The following FARP1 variants were observed in gnomAD, a reference collection of about 807,000 sequenced individuals.
FARP1 encodes the protein FERM, ARHGEF and pleckstrin domain-containing protein 1.
FARP1 carries 52 observed loss-of-function variants against 128.8 expected under a neutral mutation model. The observed-to-expected ratio is 0.40, with a 90% CI of 0.32 to 0.51. FARP1 has a LOEUF of 0.51. FARP1 is among the 20% of genes least tolerant of loss of function. The probability of loss-of-function intolerance (pLI) is 0.45; values close to 1 mark genes in which losing one functional copy is unlikely to be tolerated. For missense variants in FARP1, 1,333 were observed against 1,367.9 expected (o/e 0.97, Z 0.40); for synonymous variants, 580 against 551.8 (o/e 1.05, Z -0.72).
At chr13:98,216,054 G>A (rs1347265239) in intron 2 of FARP1, among the ~76,000 whole-genome samples, 1 of 152,158 alleles carries the variant, frequency 6.6e-6, no homozygotes, top group Admixed American at 6.5e-5. Flanking sequence ...CTCCCAAAGT[G>A]CTGGGATTAC....
intron 2 of FARP1, among the ~76,000 whole-genome samples, chr13:98,220,680 G>A (rs1327273615): frequency 6.6e-6 from 1 of 152,016 alleles, no homozygotes; most frequent in Non-Finnish European, 1.5e-5. Flanking sequence ...AATCATTTTA[G>A]CTAAATACTG....
intron 5 of FARP1, 70 bp from the exon 6 acceptor site, chr13:98,377,751 A>G (rs1229738025): frequency 7.1e-6 from 8 of 1,122,236 alleles, no homozygotes; most frequent in Non-Finnish European, 1.1e-5. Context: ...TTGGCCTCTC[A>G]TGGTGAGGCC....
intron 6 of FARP1, among the ~76,000 whole-genome samples, chr13:98,383,082 G>T (rs558051053): frequency 3.9e-5 from 6 of 152,254 alleles, no homozygotes; most frequent in African/African-American, 1.4e-4. Flanking sequence ...ACCTCACCCC[G>T]TATTTCCCCT....
At chr13:98,210,097 A>C (rs1043810853) in intron 1 of FARP1, among the ~76,000 whole-genome samples, 4 of 152,040 alleles carry the variant, frequency 2.6e-5, no homozygotes, top group African/African-American at 9.7e-5. Flanking sequence ...TTCTTGGGAA[A>C]GGGGGAATAG....
chr13:98,368,283 T>A, intron 5 of FARP1, 88 bp downstream of exon 5: 5 of 938,144 alleles, frequency 5.3e-6, no homozygotes, highest in Non-Finnish European at 8.6e-6. Context: ...CACAAACATT[T>A]TCATAATGTT....
rs780123613 is a variant in FARP1, at chr13:98,411,938, C to T, written c.1730C>T (p.Pro577Leu). The T allele has an allele frequency of 9.9e-6, 16 of 1,613,870 alleles. No individual in the cohort carries two copies. The highest frequency in any genetic ancestry group is 1.7e-5 in the Admixed American group (1 of 60,006). The change falls in exon 16 of 27, where the codon CCG becomes CTG. Residue 577 changes from proline (P) to leucine (L), a missense_variant. Coordinates refer to ENST00000319562, the MANE Select transcript of FARP1 (RefSeq NM_005766.4). ...QSTVSKEDAM[P>L]EALKSLIFPN... Reference sequence around the variant, plus strand: ...ACAGTGAGCAAAGAGGACGCCATGCCGGAAGCACTGAAAAGTCTCATATTC... The same window carrying T: ...ACAGTGAGCAAAGAGGACGCCATGCTGGAAGCACTGAAAAGTCTCATATTC...
In FARP1 at chr13:98,446,272, G is replaced by A. The variant is rs545649462; in HGVS notation, c.2904+67G>A. 119 of 1,008,830 alleles carry A rather than the reference G, an allele frequency of 1.2e-4. No homozygotes were observed. The East Asian group carries it at 2.4e-3, about 20-fold the overall frequency. The allele number at this position is 1,008,830 out of a possible 1,614,324, so 62.5% of individuals were successfully genotyped here. A position where few individuals can be genotyped will look rare whatever the true frequency, so the allele number is the denominator to read the frequency against. ...GGTGGCAGCATGAGGTGAGGGGGCC[G>A]CCCTCCTCTGGAATGACTCAGGCCT... On this transcript the variant is annotated intron_variant, in intron 25 of 26. Coordinates refer to ENST00000319562, the MANE Select transcript of FARP1 (RefSeq NM_005766.4).
chr13:98,155,924 G>A (rs936806877), intron 1 of FARP1, among the ~76,000 whole-genome samples: 1 of 152,146 alleles, frequency 6.6e-6, no homozygotes, highest in Non-Finnish European at 1.5e-5. Flanking sequence ...ACACAAAAGT[G>A]TGGCTGCCAG....
intron 2 of FARP1, among the ~76,000 whole-genome samples, chr13:98,314,098 G>A (rs1004179681): frequency 6.6e-6 from 1 of 152,000 alleles, no homozygotes; most frequent in African/African-American, 2.4e-5. Flanking sequence ...GATGGGTACA[G>A]GTGCAGGCAG....
At chr13:98,273,638 C>T (rs1396435319) in intron 2 of FARP1, among the ~76,000 whole-genome samples, 2 of 152,230 alleles carry the variant, frequency 1.3e-5, no homozygotes, top group East Asian at 3.8e-4. Flanking sequence ...ACGGAAGCAT[C>T]TGGCACAGTG....
intron 8 of FARP1, among the ~76,000 whole-genome samples, chr13:98,387,058 TG>T (rs1466475778): frequency 1.3e-5 from 2 of 152,102 alleles, no homozygotes; most frequent in East Asian, 3.8e-4. Context: ...CCCAACACTT[TG>T]GGAGGCTGAG....
At chr13:98,403,584 G>C (rs1410824924) in intron 13 of FARP1, 4 of 152,238 alleles carry the variant, frequency 2.6e-5, no homozygotes, top group Non-Finnish European at 5.9e-5. Flanking sequence ...ACCTGACTTG[G>C]TCCCAGTTGG....
At position 98,451,337 on chromosome 13, in the gene FARP1, AAC is replaced by A. The variant is rs1312965252; in HGVS notation, c.*3024_*3025del. 1.3e-5 allele frequency: 2 copies of A among 152,208 alleles called. No individual in the cohort carries two copies. The highest frequency in any genetic ancestry group is 2.4e-5 in the African/African-American group (1 of 41,446). 9.4% of individuals were successfully genotyped at this position (152,208 alleles called of 1,614,324 possible). On this transcript the variant is annotated 3_prime_UTR_variant, in exon 27 of 27. Coordinates refer to ENST00000319562, the MANE Select transcript of FARP1 (RefSeq NM_005766.4). ...TTCCCCACACAGAATACTCCCTGGAAACACAAAATGAAATCTTCTCCAATTTT... is the reference window on the plus strand; with the variant it reads ...TTCCCCACACAGAATACTCCCTGGAAACAAAATGAAATCTTCTCCAATTTT...
In FARP1 at chr13:98,323,876, A is replaced by G. The variant is rs539082525; in HGVS notation, c.172-19886A>G. ...TAATTTTGTCTTCCTGTTGAGTGTC[A>G]ACAATTTTTTTAAAGCCTATATGAG... On this transcript the variant is annotated intron_variant, in intron 2 of 26. Transcript: ENST00000319562. 3.8e-4 allele frequency among the ~76,000 whole-genome samples: 58 copies of G among 152,278 alleles called. No individual in the cohort carries two copies. In the South Asian group the frequency reaches 5.6e-3, roughly 15 times the overall value.
Position 98,422,254 on chromosome 13 carries a change from G to A in FARP1, c.1827-2318G>A, listed in dbSNP as rs533976146. ...GCCACGCAGTGGGGCCGACCAGCCCGGAGAGCCCGAATATAGGAGGAGGGG... is the reference window on the plus strand; with the variant it reads ...GCCACGCAGTGGGGCCGACCAGCCCAGAGAGCCCGAATATAGGAGGAGGGG... On this transcript the variant is annotated intron_variant, in intron 16 of 26. Coordinates refer to ENST00000319562, the MANE Select transcript of FARP1 (RefSeq NM_005766.4). 1.6e-4 allele frequency among the ~76,000 whole-genome samples: 25 copies of A among 152,254 alleles called. 1 individual carries two copies. The highest frequency in any genetic ancestry group is 5.5e-4 in the African/African-American group (23 of 41,560).
chr13:98,240,823 G>T (rs949159718), intron 2 of FARP1, among the ~76,000 whole-genome samples: 1 of 152,228 alleles, frequency 6.6e-6, no homozygotes, highest in Non-Finnish European at 1.5e-5. Flanking sequence ...GAAGGCCTCA[G>T]GGAAGGGCTT....
chr13:98,325,948 T>C (rs746394737), intron 2 of FARP1, among the ~76,000 whole-genome samples: 2 of 152,248 alleles, frequency 1.3e-5, no homozygotes, highest in Non-Finnish European at 2.9e-5. Flanking sequence ...TAGCTTCTCT[T>C]CATAGGTCTC....
At position 98,154,339 on chromosome 13, in the gene FARP1, C is replaced by A. The variant is rs1409682304; in HGVS notation, c.-24+10847C>A. ...TTGGTATCGTATTTTTTATTTTAGCCATTTTAACAGGTGTGTAGTGGTATC... is the reference window on the plus strand; with the variant it reads ...TTGGTATCGTATTTTTTATTTTAGCAATTTTAACAGGTGTGTAGTGGTATC... On this transcript the variant is annotated intron_variant, in intron 1 of 26. Coordinates refer to ENST00000319562, the MANE Select transcript of FARP1 (RefSeq NM_005766.4). Among the ~76,000 whole-genome samples, 4 of 152,188 alleles carry A rather than the reference C, an allele frequency of 2.6e-5. No homozygotes were observed. The East Asian group carries it at 5.8e-4, about 22-fold the overall frequency.
At chr13:98,395,001 T>A (rs1384781910) in intron 12 of FARP1, among the ~76,000 whole-genome samples, 6 of 152,108 alleles carry the variant, frequency 3.9e-5, no homozygotes, top group Non-Finnish European at 5.9e-5. Flanking sequence ...GGGCCGGGCT[T>A]GTGCTGCCGG....
Sources: allele counts gnomAD v4.1 joint callset (sites outside exome capture counted in the v4.1 genomes callset), GRCh38; gene constraint gnomAD v4.1.1; transcripts MANE v1.5; gene names NCBI Gene and HGNC (gene_info 2026-07-23, HGNC 2026-07-21).